The following SGCD variants were observed in gnomAD, a reference collection of about 807,000 sequenced individuals.
SGCD encodes delta-sarcoglycan.
Under a neutral mutation model 36.6 loss-of-function variants are expected in SGCD, and 18 were observed. The ratio of observed to expected loss-of-function variants is 0.49; its 90% CI spans 0.34 to 0.73. The LOEUF is 0.73. Ranked by LOEUF, SGCD falls within the 30% of genes least tolerant of loss-of-function variation. The probability of loss-of-function intolerance (pLI) is 0.01; values close to 1 mark genes in which losing one functional copy is unlikely to be tolerated. For synonymous variants in SGCD, 133 were observed against 130.6 expected (o/e 1.02, Z -0.12); for missense variants, 387 against 346.7 (o/e 1.12, Z -0.92).
chr5:156,255,855 A>G (rs765985206), intron 3 of SGCD, among the ~76,000 whole-genome samples: 1 of 151,984 alleles, frequency 6.6e-6, no homozygotes, highest in Non-Finnish European at 1.5e-5. Context: ...AATAATAGCT[A>G]TATTATATTT....
chr5:155,944,693 C>T lies in SGCD; in HGVS notation c.-282+74269C>T, dbSNP rs567320118. Among the ~76,000 whole-genome samples the T allele has an allele frequency of 1.5e-3, 229 of 152,200 alleles. 1 individual carries two copies. The highest frequency in any genetic ancestry group is 5.2e-3 in the African/African-American group (216 of 41,530). On this transcript the variant is annotated intron_variant, in intron 1 of 9. Coordinates refer to the SGCD transcript ENST00000517913. ...ACACTGTGAAGATATGAACCTTACC[C>T]TCAAGAAACTCATTATCTAGTGGCA... is the stretch of plus-strand genomic sequence containing the variant.
chr5:155,974,923 C>T (rs1006176132), intron 1 of SGCD, among the ~76,000 whole-genome samples: 2 of 152,074 alleles, frequency 1.3e-5, no homozygotes, highest in African/African-American at 4.8e-5. Flanking sequence ...CTCTTCTTTT[C>T]CTTTCTGCCT....
intron 1 of SGCD, among the ~76,000 whole-genome samples, chr5:155,873,016 C>T (rs549139922): frequency 6.6e-6 from 1 of 152,162 alleles, no homozygotes; most frequent in Non-Finnish European, 1.5e-5. Flanking sequence ...GAACTTGCAG[C>T]TTCATCAGAG....
chr5:156,617,216 G>A (rs927431059), intron 6 of SGCD, among the ~76,000 whole-genome samples: 4 of 152,192 alleles, frequency 2.6e-5, no homozygotes, highest in African/African-American at 9.6e-5. Flanking sequence ...ATACTGAAAT[G>A]TCTCACAACT....
chr5:156,636,819 G>T (rs1762840851), intron 6 of SGCD, among the ~76,000 whole-genome samples: 1 of 152,106 alleles, frequency 6.6e-6, no homozygotes, highest in Non-Finnish European at 1.5e-5. Context: ...CTGCCTAAAA[G>T]CTTTAAGTGA....
chr5:156,017,188 C>T (rs1759003337), intron 1 of SGCD, among the ~76,000 whole-genome samples: 1 of 152,092 alleles, frequency 6.6e-6, no homozygotes, highest in Non-Finnish European at 1.5e-5. Context: ...TGTAAAGTGT[C>T]TTGCCTGCTT....
intron 1 of SGCD, among the ~76,000 whole-genome samples, chr5:155,994,957 A>G (rs1326531625): frequency 6.6e-6 from 1 of 152,206 alleles, no homozygotes; most frequent in African/African-American, 2.4e-5. Context: ...CCACGCAACC[A>G]TTCAGGGATA....
In SGCD at chr5:156,067,853, A is replaced by G. The variant is rs1406486667; in HGVS notation, c.-281-50025A>G. On this transcript the variant is annotated intron_variant, in intron 1 of 9. Transcript: ENST00000517913. ...GCGCCCACTGTCTGGCACTCCCTAG[A>G]GAGATGAACCCGGTACCTCAGATGG... Among the ~76,000 whole-genome samples, 9 of 139,054 alleles carry G rather than the reference A, an allele frequency of 6.5e-5. No individual in the cohort carries two copies. In the East Asian group the frequency reaches 1.6e-3, roughly 25 times the overall value. 91.2% of individuals were successfully genotyped at this position (139,054 alleles called of 152,430 possible).
intron 3 of SGCD, among the ~76,000 whole-genome samples, chr5:156,499,395 A>G (rs1756352367): frequency 1.3e-5 from 2 of 152,218 alleles, no homozygotes; most frequent in Non-Finnish European, 2.9e-5. Context: ...ATGAAATAAT[A>G]AGTAGCACCT....
At chr5:155,765,424 A>G in the SGCD span, among the ~76,000 whole-genome samples, 1 of 110,534 alleles carries the variant, frequency 9.0e-6, no homozygotes, top group Admixed American at 9.4e-5. Context: ...GAAGGAAGGG[A>G]AAGAGGGAGG....
intron 6 of SGCD, among the ~76,000 whole-genome samples, chr5:156,595,465 C>T (rs1227261988): frequency 6.6e-6 from 1 of 152,182 alleles, no homozygotes; most frequent in Non-Finnish European, 1.5e-5. Context: ...CCTGAACTGA[C>T]TAAGACAAAT....
intron 3 of SGCD, among the ~76,000 whole-genome samples, chr5:156,279,627 C>G (rs1221530612): frequency 1.3e-5 from 2 of 152,080 alleles, no homozygotes; most frequent in Non-Finnish European, 2.9e-5. Context: ...TTTGGGGGAA[C>G]AGTGGGTTGG....
At chr5:156,025,944 T>G (rs1759218327) in intron 1 of SGCD, among the ~76,000 whole-genome samples, 1 of 152,250 alleles carries the variant, frequency 6.6e-6, no homozygotes, top group Admixed American at 6.5e-5. Context: ...TTATCACTTA[T>G]GTGAAATAAC....
chr5:156,718,900 TGAAAA>T (rs1755352088), intron 7 of SGCD, among the ~76,000 whole-genome samples: 1 of 151,212 alleles, frequency 6.6e-6, no homozygotes, highest in South Asian at 2.1e-4. Context: ...TATATAAAGA[TGAAAA>T]GAAATAAGGC....
chr5:156,085,134 G>A lies in SGCD; in HGVS notation c.-281-32744G>A, dbSNP rs148371863. On this transcript the variant is annotated intron_variant, in intron 1 of 9. Transcript: ENST00000517913. ...TGAGAATTTTTGCCTCTAAGTTCATGAGAGATACTTGTCTGTAGCTTTCAT... is the reference window on the plus strand; with the variant it reads ...TGAGAATTTTTGCCTCTAAGTTCATAAGAGATACTTGTCTGTAGCTTTCAT... Among the ~76,000 whole-genome samples, 105 of 152,116 alleles carry A rather than the reference G, an allele frequency of 6.9e-4. No individual in the cohort carries two copies. The East Asian group carries it at 0.02, about 28-fold the overall frequency.
rs1353366206 is a variant in SGCD at position 156,113,114 on chromosome 5, G to A, written c.-281-4764G>A. On this transcript the variant is annotated intron_variant, in intron 1 of 9. Coordinates refer to the SGCD transcript ENST00000517913. The stretch of plus-strand genomic sequence containing the variant: ...GATCTTGTCCCCTCTTCTATGCGGT[G>A]AGCCCATGCCCCAGAGTAAGAGAAG... 4.6e-5 allele frequency among the ~76,000 whole-genome samples: 7 copies of A among 152,278 alleles called. 1 individual carries two copies. Among genetic ancestry groups the A allele is most frequent in the Admixed American group, 4.6e-4 (7 of 15,280 alleles).
At chr5:156,746,680 G>GA (rs1581521727) in intron 7 of SGCD, among the ~76,000 whole-genome samples, 1 of 152,040 alleles carries the variant, frequency 6.6e-6, no homozygotes, top group East Asian at 1.9e-4. Context: ...AAACCTATTA[G>GA]AAAAAATGAA....
chr5:156,095,047 T>C (rs796072660), intron 1 of SGCD, among the ~76,000 whole-genome samples: 59 of 152,288 alleles, frequency 3.9e-4, no homozygotes, highest in African/African-American at 1.3e-3. Context: ...GTTTCTGCAC[T>C]TGTACTGTCT....
chr5:156,443,412 A>G (rs1504933), intron 3 of SGCD, among the ~76,000 whole-genome samples: 123,277 of 152,158 alleles, frequency 0.81, 50,367 homozygotes, highest in African/African-American at 0.93. Flanking sequence ...CATGAATAGC[A>G]ACAGCATCAT....
Sources: gnomAD v4.1 joint callset for allele counts (sites outside exome capture counted in the v4.1 genomes callset) on GRCh38, gnomAD v4.1.1 for gene constraint, MANE v1.5 for transcripts, NCBI Gene and HGNC (gene_info 2026-07-23, HGNC 2026-07-21) for gene names.